Variants in RAB28 observed in about 807,000 individuals in gnomAD.
RAB28 encodes RAB28, member RAS oncogene family.
RAB28 carries 24 observed loss-of-function variants against 31.7 expected under a neutral mutation model. That is an observed-to-expected ratio of 0.76 (90% CI 0.55 to 1.06). The LOEUF (loss-of-function observed/expected upper bound fraction) is 1.06. Ranked by LOEUF, RAB28 falls within the 50% of genes least tolerant of loss-of-function variation. The probability of loss-of-function intolerance (pLI) is 0.00; values close to 1 mark genes in which losing one functional copy is unlikely to be tolerated. For synonymous variants in RAB28, 100 were observed against 90.4 expected (o/e 1.11, Z -0.60); for missense variants, 254 against 258.5 (o/e 0.98, Z 0.12).
At position 13,469,337 on chromosome 4, in the gene RAB28, C is replaced by T. The variant is rs974496534; in HGVS notation, c.261+4981G>A. ...CACATATCTGACATTTATCTCTCTC[C>T]TATGTCTTCATGTCTTCATCCCCAT... On this transcript the variant is annotated intron_variant, in intron 3 of 6. Transcript: ENST00000330852. Among the ~76,000 whole-genome samples, 24 of 152,124 alleles carry T rather than the reference C, an allele frequency of 1.6e-4. 1 individual carries two copies. Among genetic ancestry groups the T allele is most frequent in the Admixed American group, 1.4e-3 (22 of 15,264 alleles).
At chr4:13,436,308 T>TTCACTG (rs1714104506) in intron 4 of RAB28, among the ~76,000 whole-genome samples, 1 of 152,040 alleles carries the variant, frequency 6.6e-6, no homozygotes, top group African/African-American at 2.4e-5. Context: ...GACAAGGAAG[T>TTCACTG]TCACTGTCAT....
chr4:13,437,264 G>A (rs1714175135), intron 4 of RAB28, among the ~76,000 whole-genome samples: 1 of 152,014 alleles, frequency 6.6e-6, no homozygotes, highest in Non-Finnish European at 1.5e-5. Flanking sequence ...AAAAATCCTA[G>A]AAGAAACTAT....
At chr4:13,388,932 G>A (rs1187854776) in intron 4 of RAB28, among the ~76,000 whole-genome samples, 1 of 152,074 alleles carries the variant, frequency 6.6e-6, no homozygotes, top group African/African-American at 2.4e-5. Flanking sequence ...GTATGATCCA[G>A]TAATCCAACT....
rs550781196 is a variant in RAB28 at position 13,371,017 on chromosome 4, A to G, written c.574-2367T>C. On this transcript the variant is annotated intron_variant, in intron 6 of 6. Transcript: ENST00000330852. ...GATTGCAAATAACTTATTTCAGGAC[A>G]CATACCCTTCATAATAGCATCTATT... The G allele has an allele frequency of 2.4e-5, 24 of 984,352 alleles. No individual in the cohort carries two copies. The South Asian group carries it at 8.5e-4, about 35-fold the overall frequency. 61.0% of individuals were successfully genotyped at this position (984,352 alleles called of 1,614,324 possible).
intron 4 of RAB28, among the ~76,000 whole-genome samples, chr4:13,456,894 C>G (rs966395845): frequency 1.3e-5 from 2 of 152,134 alleles, no homozygotes; most frequent in East Asian, 3.9e-4. Context: ...AGTCCATAAT[C>G]AGAATATCCT....
In RAB28 at chr4:13,396,636, A is replaced by C. The variant is rs367714207; in HGVS notation, c.392-15042T>G. 9.2e-5 allele frequency among the ~76,000 whole-genome samples: 14 copies of C among 152,230 alleles called. No individual in the cohort carries two copies. The East Asian group carries it at 1.2e-3, about 13-fold the overall frequency. On this transcript the variant is annotated intron_variant, in intron 4 of 6. Coordinates refer to ENST00000330852, the MANE Select transcript of RAB28 (RefSeq NM_001017979.3). ...ACAGATGAAGAAAAAAGTTCTCATCAGAGAAAGTACTTTTGTTTCTGGTAT... is the reference window on the plus strand; with the variant it reads ...ACAGATGAAGAAAAAAGTTCTCATCCGAGAAAGTACTTTTGTTTCTGGTAT...
chr4:13,417,833 A>G (rs1395808174), intron 4 of RAB28, among the ~76,000 whole-genome samples: 1 of 152,128 alleles, frequency 6.6e-6, no homozygotes, highest in Admixed American at 6.5e-5. Context: ...AGACCAGAAC[A>G]CCTCTTCTCC....
At chr4:13,482,044 T>C (rs1293219969) in intron 1 of RAB28, among the ~76,000 whole-genome samples, 1 of 152,158 alleles carries the variant, frequency 6.6e-6, no homozygotes, top group African/African-American at 2.4e-5. Flanking sequence ...TGGAAGTTCC[T>C]GTTAGAAAAA....
At chr4:13,377,599 G>A (rs749852829) in intron 5 of RAB28, among the ~76,000 whole-genome samples, 1 of 152,194 alleles carries the variant, frequency 6.6e-6, no homozygotes, top group Non-Finnish European at 1.5e-5. Flanking sequence ...TAGGCTACTG[G>A]AAGGACTTTG....
At chr4:13,449,033 G>C (rs1714836987) in intron 4 of RAB28, among the ~76,000 whole-genome samples, 2 of 151,912 alleles carry the variant, frequency 1.3e-5, no homozygotes, top group African/African-American at 2.4e-5. Flanking sequence ...AGTACTAAAA[G>C]AAATGGTTAA....
chr4:13,370,418 A>G (rs906077578), intron 6 of RAB28: 1 of 845,796 alleles, frequency 1.2e-6, no homozygotes, highest in Non-Finnish European at 1.4e-6. Context: ...CAGTCACTCT[A>G]TACTGTGAAA....
chr4:13,381,514 C>G lies in RAB28; in HGVS notation c.472G>C (p.Val158Leu). The change falls in exon 5 of 7, where the codon GTC becomes CTC. Residue 158 changes from valine (V) to leucine (L), a missense_variant. By Grantham distance (32) the Val-to-Leu change is conservative. Transcript: ENST00000330852. ...CQENGFSSHF[V>L]SAKTGDSVFL... is the part of the protein sequence containing the mutation. ...ACAGAGTCTCCTGTCTTGGCTGAGA[C>G]AAAGTGGCTACTAAAACCATTTTCC... is the stretch of plus-strand genomic sequence containing the variant. 1.9e-6 allele frequency: 3 copies of G among 1,612,308 alleles called. No individual in the cohort carries two copies. Among genetic ancestry groups the G allele is most frequent in the Non-Finnish European group, 2.5e-6 (3 of 1,178,678 alleles).
At chr4:13,407,022 T>C (rs1712134414) in intron 4 of RAB28, among the ~76,000 whole-genome samples, 1 of 152,254 alleles carries the variant, frequency 6.6e-6, no homozygotes, top group Non-Finnish European at 1.5e-5. Flanking sequence ...ATTTGTCAAT[T>C]TTGGCTTTTG....
intron 2 of RAB28, among the ~76,000 whole-genome samples, chr4:13,477,747 T>A (rs1716427852): frequency 2.0e-5 from 3 of 151,410 alleles, no homozygotes; most frequent in Admixed American, 6.6e-5. Flanking sequence ...TGCCCTAATG[T>A]CATTTTTTAA....
intron 1 of RAB28, among the ~76,000 whole-genome samples, chr4:13,481,967 G>C (rs958225152): frequency 1.6e-4 from 25 of 152,106 alleles, no homozygotes; most frequent in African/African-American, 6.0e-4. Context: ...GAACTGAATA[G>C]GGTATGGAGA....
intron 4 of RAB28, among the ~76,000 whole-genome samples, chr4:13,418,371 G>T (rs752568417): frequency 6.6e-6 from 1 of 152,228 alleles, no homozygotes; most frequent in African/African-American, 2.4e-5. Context: ...CAGCAAGGCA[G>T]GCCAACATTC....
intron 4 of RAB28, among the ~76,000 whole-genome samples, chr4:13,408,071 G>T (rs1278181940): frequency 3.3e-5 from 5 of 152,206 alleles, no homozygotes; most frequent in South Asian, 2.1e-4. Context: ...TGGTGAGAGA[G>T]GAATCCTTGT....
At chr4:13,407,995 AC>A (rs1262683112) in intron 4 of RAB28, among the ~76,000 whole-genome samples, 2 of 152,114 alleles carry the variant, frequency 1.3e-5, no homozygotes, top group African/African-American at 4.8e-5. Flanking sequence ...CTATTTGAAT[AC>A]CCTTTATTTC....
At chr4:13,395,710 G>A (rs1011195211) in intron 4 of RAB28, among the ~76,000 whole-genome samples, 2 of 152,000 alleles carry the variant, frequency 1.3e-5, no homozygotes, top group Admixed American at 1.3e-4. Context: ...ATGTATCAGA[G>A]CTACTGATAG....
Sources: allele counts gnomAD v4.1 joint callset (sites outside exome capture counted in the v4.1 genomes callset), GRCh38; gene constraint gnomAD v4.1.1; transcripts MANE v1.5; gene names NCBI Gene and HGNC (gene_info 2026-07-23, HGNC 2026-07-21).